The following RAD51B variants were observed in gnomAD, a reference collection of about 807,000 sequenced individuals.
RAD51B encodes the protein DNA repair protein RAD51 homolog 2.
In RAD51B, 38 loss-of-function variants were observed where a neutral mutation model predicts 42.2. That is an observed-to-expected ratio of 0.90 (90% CI 0.70 to 1.18). The LOEUF (loss-of-function observed/expected upper bound fraction) is 1.18, where lower values mean the gene tolerates loss of function less well. Among genes scored for constraint, RAD51B ranks in the 50% most tolerant of loss-of-function variants. RAD51B has a pLI of 0.00. For missense variants in RAD51B, 373 were observed against 400.7 expected, an observed-to-expected ratio of 0.93 and a Z score of 0.59; for synonymous variants, 154 against 145.2, an observed-to-expected ratio of 1.06 and a Z score of -0.43.
intron 7 of RAD51B, among the ~76,000 whole-genome samples, chr14:68,144,556 G>A (rs1370526185): frequency 2.0e-5 from 3 of 152,214 alleles, no homozygotes; most frequent in Non-Finnish European, 4.4e-5. Flanking sequence ...TTTTGTTGAT[G>A]AGTAGAGCTT....
At chr14:68,451,052 C>T (rs113874856) in intron 9 of RAD51B, among the ~76,000 whole-genome samples, 208 of 152,234 alleles carry the variant, frequency 1.4e-3, no homozygotes, top group Middle Eastern at 3.4e-3. Flanking sequence ...AGCTTCAGGG[C>T]CCTCTGTTTC....
intron 9 of RAD51B, among the ~76,000 whole-genome samples, chr14:68,420,565 A>T (rs1420042097): frequency 6.6e-6 from 1 of 152,168 alleles, no homozygotes; most frequent in Non-Finnish European, 1.5e-5. Flanking sequence ...TGATGTTGTC[A>T]TGCCATTTGT....
intron 10 of RAD51B, among the ~76,000 whole-genome samples, chr14:68,510,360 A>T (rs1221903508): frequency 6.6e-6 from 1 of 152,158 alleles, no homozygotes; most frequent in East Asian, 1.9e-4. Context: ...GTCTCCAGGG[A>T]AGGGAGGTAG....
intron 8 of RAD51B, among the ~76,000 whole-genome samples, chr14:68,348,383 G>A (rs145686511): frequency 2.6e-5 from 4 of 152,196 alleles, no homozygotes; most frequent in East Asian, 3.9e-4. Context: ...GGAGTCATAC[G>A]ATATTTTCAA....
chr14:68,476,727 T>A (rs973815096), intron 10 of RAD51B, among the ~76,000 whole-genome samples: 52 of 152,160 alleles, frequency 3.4e-4, no homozygotes, highest in Non-Finnish European at 3.4e-4. Flanking sequence ...TCCTCACACA[T>A]GCCATGAGAA....
rs1369887713 is a variant in RAD51B, at chr14:67,943,853, G to A, written c.756+56649G>A. ...CTTAAGAAGAAAGTGGAAAGAAAGCGGGTAAAATTGTTGCTCAGATACTAG... is the reference window on the plus strand; with the variant it reads ...CTTAAGAAGAAAGTGGAAAGAAAGCAGGTAAAATTGTTGCTCAGATACTAG... On this transcript the variant is annotated intron_variant, in intron 7 of 10. Transcript: ENST00000471583. 3.3e-5 allele frequency among the ~76,000 whole-genome samples: 5 copies of A among 152,100 alleles called. No homozygotes were observed. The South Asian group carries it at 6.2e-4, about 19-fold the overall frequency.
At chr14:68,313,806 A>G (rs1381260892) in intron 8 of RAD51B, among the ~76,000 whole-genome samples, 1 of 152,194 alleles carries the variant, frequency 6.6e-6, no homozygotes, top group Non-Finnish European at 1.5e-5. Context: ...AGTGATATAA[A>G]TGGTTTTTCT....
At chr14:68,214,830 A>G (rs1366144982) in intron 7 of RAD51B, among the ~76,000 whole-genome samples, 1 of 152,182 alleles carries the variant, frequency 6.6e-6, no homozygotes, top group Non-Finnish European at 1.5e-5. Context: ...TCTTTATTGC[A>G]TTGTGCTGTA....
chr14:68,448,485 T>C (rs1441030226), intron 9 of RAD51B, among the ~76,000 whole-genome samples: 2 of 152,238 alleles, frequency 1.3e-5, no homozygotes, highest in Non-Finnish European at 2.9e-5. Flanking sequence ...GACCTCATCA[T>C]GTTCATCTTT....
intron 7 of RAD51B, among the ~76,000 whole-genome samples, chr14:68,246,396 G>T (rs925843889): frequency 1.3e-5 from 2 of 152,184 alleles, no homozygotes; most frequent in Non-Finnish European, 2.9e-5. Context: ...ATATGCCAGG[G>T]TTTGTACAAA....
intron 7 of RAD51B, among the ~76,000 whole-genome samples, chr14:67,997,487 T>C (rs916479967): frequency 6.6e-6 from 1 of 152,168 alleles, no homozygotes; most frequent in African/African-American, 2.4e-5. Flanking sequence ...ATTATGACAG[T>C]TTACTTTGGT....
chr14:68,043,215 G>A (rs2140400443), intron 7 of RAD51B, among the ~76,000 whole-genome samples: 2 of 152,280 alleles, frequency 1.3e-5, no homozygotes, highest in Middle Eastern at 3.4e-3. Flanking sequence ...TAAATAGAAG[G>A]CATTCAGAAA....
intron 10 of RAD51B, among the ~76,000 whole-genome samples, chr14:68,582,070 G>A (rs1442517792): frequency 1.3e-5 from 2 of 152,096 alleles, no homozygotes; most frequent in Non-Finnish European, 2.9e-5. Context: ...AGAAAACCTA[G>A]GCAATACCAT....
chr14:68,504,177 G>T (rs565238677), intron 10 of RAD51B, among the ~76,000 whole-genome samples: 2 of 152,162 alleles, frequency 1.3e-5, no homozygotes, highest in Admixed American at 6.5e-5. Flanking sequence ...GGATCGGGGC[G>T]CAATGACTCT....
chr14:67,849,768 C>T (rs2041742522), intron 4 of RAD51B, among the ~76,000 whole-genome samples: 1 of 152,062 alleles, frequency 6.6e-6, no homozygotes, highest in South Asian at 2.1e-4. Flanking sequence ...TTTTTCATTT[C>T]CTGGATTGTT....
At position 68,433,723 on chromosome 14, in the gene RAD51B, A is replaced by C. The variant is rs551329263; in HGVS notation, c.957+22196A>C. Among the ~76,000 whole-genome samples, 5 of 152,138 alleles carry C rather than the reference A, an allele frequency of 3.3e-5. No homozygotes were observed. The East Asian group carries it at 9.7e-4, about 29-fold the overall frequency. On this transcript the variant is annotated intron_variant, in intron 9 of 10. Transcript: ENST00000471583. ...TCCTTTAGCTCGGAGAAGTTTGATC[A>C]TCTGAAGCCTTCTTCTCTCAACTCG...
At chr14:68,050,614 T>A (rs1183635334) in intron 7 of RAD51B, among the ~76,000 whole-genome samples, 1 of 152,164 alleles carries the variant, frequency 6.6e-6, no homozygotes, top group East Asian at 1.9e-4. Flanking sequence ...GTGTGTGTGC[T>A]CACACATCGA....
chr14:68,599,114 T>G (rs1891118386), downstream of RAD51B, among the ~76,000 whole-genome samples: 1 of 152,184 alleles, frequency 6.6e-6, no homozygotes, highest in Non-Finnish European at 1.5e-5. Flanking sequence ...CCCACTGCGG[T>G]GCTGACCGTC....
At chr14:68,317,353 T>C (rs1305954383) in intron 8 of RAD51B, among the ~76,000 whole-genome samples, 1 of 152,218 alleles carries the variant, frequency 6.6e-6, no homozygotes, top group Non-Finnish European at 1.5e-5. Flanking sequence ...TGTTAGGTAC[T>C]GCAGACACAT....
Sources: gnomAD v4.1 joint callset for allele counts (sites outside exome capture counted in the v4.1 genomes callset) on GRCh38, gnomAD v4.1.1 for gene constraint, MANE v1.5 for transcripts, NCBI Gene and HGNC (gene_info 2026-07-23, HGNC 2026-07-21) for gene names.